The following CCR3 variants were observed in gnomAD, a reference collection of about 807,000 sequenced individuals.
CCR3 encodes the protein C-C motif chemokine receptor 3.
For synonymous variants in CCR3, 203 were observed against 179.2 expected (o/e 1.13, Z -1.06); for missense variants, 419 against 437.5 (o/e 0.96, Z 0.38).
At chr3:46,262,315 C>A (rs1487615402) in intron 1 of CCR3, among the ~76,000 whole-genome samples, 1 of 152,184 alleles carries the variant, frequency 6.6e-6, no homozygotes, top group Non-Finnish European at 1.5e-5. Context: ...ACTAAAGAAT[C>A]ATTGCACATT....
At chr3:46,246,484 G>T (rs1700193171) in intron 1 of CCR3, among the ~76,000 whole-genome samples, 1 of 151,956 alleles carries the variant, frequency 6.6e-6, no homozygotes, top group East Asian at 1.9e-4. Flanking sequence ...GGGTCGCAAG[G>T]TGCTCAGTGG....
chr3:46,259,138 C>T (rs190192397), intron 1 of CCR3, among the ~76,000 whole-genome samples: 3 of 152,332 alleles, frequency 2.0e-5, no homozygotes, highest in Admixed American at 2.0e-4. Context: ...GTGGTGATTT[C>T]TCTGAAGTTT....
chr3:46,214,416 C>G (rs1257364737), intron 2 of CCR3, among the ~76,000 whole-genome samples: 1 of 152,168 alleles, frequency 6.6e-6, no homozygotes, highest in Non-Finnish European at 1.5e-5. Flanking sequence ...GGACATTGCT[C>G]TATTGATTTT....
intron 2 of CCR3, among the ~76,000 whole-genome samples, chr3:46,220,526 G>A (rs926584847): frequency 1.4e-4 from 22 of 152,058 alleles, no homozygotes; most frequent in African/African-American, 4.8e-4. Flanking sequence ...AAAAGAAGTC[G>A]TTACAATGAA....
At chr3:46,247,234 T>G (rs976081679) in intron 1 of CCR3, among the ~76,000 whole-genome samples, 1 of 152,052 alleles carries the variant, frequency 6.6e-6, no homozygotes, top group African/African-American at 2.4e-5. Context: ...GAGCAGGGCA[T>G]GTATGAGTAG....
chr3:46,260,499 G>C (rs1314537357), intron 1 of CCR3, among the ~76,000 whole-genome samples: 1 of 152,160 alleles, frequency 6.6e-6, no homozygotes, highest in Admixed American at 6.5e-5. Flanking sequence ...GGGAGAAATT[G>C]GCCAAAACAA....
At chr3:46,224,035 A>T (rs1283066056) in intron 2 of CCR3, among the ~76,000 whole-genome samples, 1 of 152,192 alleles carries the variant, frequency 6.6e-6, no homozygotes, top group Admixed American at 6.5e-5. Flanking sequence ...AGGGATGCAT[A>T]TACAAAATCG....
rs563315307 is a variant in CCR3 at position 46,232,143 on chromosome 3, G to T, written c.-67-10259G>T. On this transcript the variant is annotated intron_variant, in intron 2 of 3. Transcript: ENST00000357422. The stretch of plus-strand genomic sequence containing the variant: ...TTACTGAGTTTGATACTAGATTTTT[G>T]ATGTTCTTATAAAAAAATGAAAATG... 3.3e-5 allele frequency among the ~76,000 whole-genome samples: 5 copies of T among 152,042 alleles called. No individual in the cohort carries two copies. The South Asian group carries it at 6.2e-4, about 19-fold the overall frequency.
At chr3:46,235,525 ATTGGAGTCCATTCTT>A (rs557371592) in intron 2 of CCR3, among the ~76,000 whole-genome samples, 25 of 152,354 alleles carry the variant, frequency 1.6e-4, no homozygotes, top group African/African-American at 5.5e-4. Flanking sequence ...ACTCACTGGG[ATTGGAGTCCATTCTT>A]TCTAAGCAGA....
intron 2 of CCR3, among the ~76,000 whole-genome samples, chr3:46,231,775 T>C (rs545836815): frequency 2.2e-4 from 34 of 152,226 alleles, no homozygotes; most frequent in Non-Finnish European, 4.0e-4. Flanking sequence ...GCTTTTTGTA[T>C]ATTATACTTC....
intron 2 of CCR3, among the ~76,000 whole-genome samples, chr3:46,212,506 C>G (rs1699727097): frequency 6.9e-6 from 1 of 144,152 alleles, no homozygotes. Flanking sequence ...CTTGTCTTGT[C>G]TAATTTCTTT....
intron 1 of CCR3, among the ~76,000 whole-genome samples, chr3:46,246,723 A>C (rs1700198060): frequency 6.6e-6 from 1 of 152,220 alleles, no homozygotes; most frequent in Non-Finnish European, 1.5e-5. Context: ...CAGAGGCCTG[A>C]CATTCCTGCC....
chr3:46,230,445 G>A (rs916418969), intron 2 of CCR3, among the ~76,000 whole-genome samples: 1 of 151,998 alleles, frequency 6.6e-6, no homozygotes, highest in Non-Finnish European at 1.5e-5. Flanking sequence ...CCACATCAAC[G>A]GACCTCCAGG....
intron 2 of CCR3, among the ~76,000 whole-genome samples, chr3:46,212,821 A>T (rs746394641): frequency 6.6e-6 from 1 of 152,182 alleles, no homozygotes; most frequent in Non-Finnish European, 1.5e-5. Context: ...ATCATCCAAG[A>T]GGCTGCCTCC....
chr3:46,242,963 G>GTGTATA (rs1553644056), intron 1 of CCR3, among the ~76,000 whole-genome samples: 61 of 86,284 alleles, frequency 7.1e-4, no homozygotes, highest in African/African-American at 2.8e-3. Context: ...ATATATATGT[G>GTGTATA]TATATATATA....
At chr3:46,215,280 G>T (rs1456561796) in intron 2 of CCR3, among the ~76,000 whole-genome samples, 4 of 152,178 alleles carry the variant, frequency 2.6e-5, no homozygotes, top group Non-Finnish European at 4.4e-5. Context: ...AGTCCTAAAA[G>T]TTGAGTTAGG....
intron 2 of CCR3, among the ~76,000 whole-genome samples, chr3:46,212,580 T>C (rs1292861731): frequency 6.6e-6 from 1 of 151,966 alleles, no homozygotes; most frequent in East Asian, 1.9e-4. Flanking sequence ...TGGTCATTTT[T>C]CCTCCTGCAT....
At chr3:46,255,289 A>T (rs1700399188) in intron 1 of CCR3, among the ~76,000 whole-genome samples, 1 of 151,928 alleles carries the variant, frequency 6.6e-6, no homozygotes, top group African/African-American at 2.4e-5. Flanking sequence ...TAGATTCTGG[A>T]TATTAGACCT....
intron 1 of CCR3, among the ~76,000 whole-genome samples, chr3:46,257,644 ACTCAG>A (rs1364067760): frequency 6.6e-6 from 1 of 152,162 alleles, no homozygotes; most frequent in Non-Finnish European, 1.5e-5. Context: ...GAAGGATGAT[ACTCAG>A]CTTCCTCAAT....
Sources: gnomAD v4.1 joint callset for allele counts (sites outside exome capture counted in the v4.1 genomes callset) on GRCh38, gnomAD v4.1.1 for gene constraint, MANE v1.5 for transcripts, NCBI Gene and HGNC (gene_info 2026-07-23, HGNC 2026-07-21) for gene names.